The following NRG3 variants were observed in gnomAD, a reference collection of about 807,000 sequenced individuals.
The protein encoded by NRG3 is neuregulin 3, also known as pro-neuregulin-3, membrane-bound isoform.
Under a neutral mutation model 66.9 loss-of-function variants are expected in NRG3, and 31 were observed. That is an observed-to-expected ratio of 0.46 (90% CI 0.35 to 0.63). The LOEUF (loss-of-function observed/expected upper bound fraction) is 0.63. Ranked by LOEUF, NRG3 falls within the 20% of genes least tolerant of loss-of-function variation. NRG3 has a pLI of 0.00. For synonymous variants in NRG3, 393 were observed against 359.4 expected (o/e 1.09, Z -1.06); for missense variants, 910 against 878.9 (o/e 1.04, Z -0.45).
intron 7 of NRG3, among the ~76,000 whole-genome samples, chr10:82,975,367 A>G (rs563236879): frequency 2.6e-5 from 4 of 152,324 alleles, no homozygotes; most frequent in East Asian, 1.9e-4. Context: ...AAATTGATAT[A>G]TATGTTTTAA....
At chr10:82,625,874 C>T (rs74879423) in intron 2 of NRG3, among the ~76,000 whole-genome samples, 1 of 152,178 alleles carries the variant, frequency 6.6e-6, no homozygotes, top group Non-Finnish European at 1.5e-5. Flanking sequence ...GGGCATTTCA[C>T]ATTTCCTTTC....
At chr10:82,452,338 C>A (rs1411544295) in intron 2 of NRG3, among the ~76,000 whole-genome samples, 1 of 152,130 alleles carries the variant, frequency 6.6e-6, no homozygotes, top group African/African-American at 2.4e-5. Context: ...GCAGTGAATA[C>A]CACATCCTCA....
chr10:82,565,027 T>C (rs768498408), intron 2 of NRG3, among the ~76,000 whole-genome samples: 3 of 152,084 alleles, frequency 2.0e-5, no homozygotes, highest in Non-Finnish European at 2.9e-5. Context: ...AAAAGAACAC[T>C]GTTGGGAACG....
intron 3 of NRG3, among the ~76,000 whole-genome samples, chr10:82,848,316 A>C (rs1195556043): frequency 6.6e-6 from 1 of 152,208 alleles, no homozygotes; most frequent in Non-Finnish European, 1.5e-5. Flanking sequence ...GAGGACATGG[A>C]TTCAAATGAG....
At chr10:81,884,233 A>G (rs564497735) in intron 1 of NRG3, among the ~76,000 whole-genome samples, 3 of 152,302 alleles carry the variant, frequency 2.0e-5, no homozygotes, top group African/African-American at 7.2e-5. Context: ...GCTTCTGTCA[A>G]GCACTTCACA....
At chr10:82,866,283 A>G (rs940054072) in intron 4 of NRG3, among the ~76,000 whole-genome samples, 8 of 152,166 alleles carry the variant, frequency 5.3e-5, no homozygotes, top group Non-Finnish European at 1.0e-4. Context: ...TACTTGCTTT[A>G]TACATGAATG....
At chr10:82,328,712 GA>G (rs938614112) in intron 1 of NRG3, among the ~76,000 whole-genome samples, 1 of 152,152 alleles carries the variant, frequency 6.6e-6, no homozygotes, top group Admixed American at 6.5e-5. Context: ...TATTCTCACA[GA>G]AACCTCCTGG....
chr10:82,391,943 C>T (rs1422270745), intron 2 of NRG3, among the ~76,000 whole-genome samples: 2 of 124,622 alleles, frequency 1.6e-5, no homozygotes, highest in Non-Finnish European at 3.1e-5. Context: ...TTGGTTGTAG[C>T]AATTCTCATC....
At chr10:82,431,686 A>C (rs546011287) in intron 2 of NRG3, among the ~76,000 whole-genome samples, 1 of 152,176 alleles carries the variant, frequency 6.6e-6, no homozygotes, top group African/African-American at 2.4e-5. Flanking sequence ...GCCTACTCAC[A>C]AATATCTTTG....
Position 82,365,557 on chromosome 10 carries a change from C to T in NRG3, c.953+6689C>T, listed in dbSNP as rs575969349. ...GCTTGTCATGATAGTCTTAGAAACT[C>T]GGAAAGCAAGCAAACCAACAACACA... is the stretch of plus-strand genomic sequence containing the variant. On this transcript the variant is annotated intron_variant, in intron 2 of 8. Coordinates refer to ENST00000372141, the MANE Select transcript of NRG3 (RefSeq NM_001010848.4). Among the ~76,000 whole-genome samples the T allele has an allele frequency of 6.6e-5, 10 of 152,188 alleles. No homozygotes were observed. In the East Asian group the frequency reaches 1.2e-3, roughly 18 times the overall value.
intron 1 of NRG3, among the ~76,000 whole-genome samples, chr10:81,896,837 T>C (rs1843575128): frequency 6.6e-6 from 1 of 152,198 alleles, no homozygotes; most frequent in African/African-American, 2.4e-5. Context: ...CACCTACTAC[T>C]TGCCAGATGC....
intron 1 of NRG3, among the ~76,000 whole-genome samples, chr10:82,238,276 A>C (rs574371073): frequency 1.1e-4 from 16 of 152,306 alleles, no homozygotes; most frequent in Admixed American, 2.6e-4. Context: ...TAAGTATAGC[A>C]ATCCTATAAC....
chr10:82,511,244 C>T (rs1845136267), intron 2 of NRG3, among the ~76,000 whole-genome samples: 1 of 152,002 alleles, frequency 6.6e-6, no homozygotes, highest in Non-Finnish European at 1.5e-5. Context: ...AATAAACAAA[C>T]AAACAAGCAC....
intron 1 of NRG3, among the ~76,000 whole-genome samples, chr10:82,001,149 G>A (rs1438596124): frequency 6.6e-6 from 1 of 150,636 alleles, no homozygotes; most frequent in African/African-American, 2.4e-5. Flanking sequence ...AAACTTCTAG[G>A]ATTGTTGTTC....
At chr10:82,904,117 A>C (rs190244267) in intron 4 of NRG3, among the ~76,000 whole-genome samples, 59 of 152,292 alleles carry the variant, frequency 3.9e-4, no homozygotes, top group Non-Finnish European at 6.6e-4. Context: ...TGTCCAACCC[A>C]TGTCCCACAG....
intron 1 of NRG3, among the ~76,000 whole-genome samples, chr10:81,922,212 T>TTA (rs1846313486): frequency 6.6e-6 from 1 of 152,194 alleles, no homozygotes; most frequent in Non-Finnish European, 1.5e-5. Flanking sequence ...TTAGAATCCC[T>TTA]TATATTGGCA....
Position 82,805,662 on chromosome 10 carries a change from A to G in NRG3, c.1028-59749A>G, listed in dbSNP as rs528345229. 3.3e-5 allele frequency among the ~76,000 whole-genome samples: 5 copies of G among 152,178 alleles called. No individual in the cohort carries two copies. In the East Asian group the frequency reaches 7.8e-4, roughly 24 times the overall value. Reference sequence around the variant, plus strand: ...AGCAGACACATGAGTTAAGAGGCTGATGTATTAGAGCATGAAAGAGGTGAC... The same window carrying G: ...AGCAGACACATGAGTTAAGAGGCTGGTGTATTAGAGCATGAAAGAGGTGAC... On this transcript the variant is annotated intron_variant, in intron 3 of 8. Coordinates refer to ENST00000372141, the MANE Select transcript of NRG3 (RefSeq NM_001010848.4).
chr10:82,178,848 C>G lies in NRG3; in HGVS notation c.824-179891C>G, dbSNP rs543002632. On this transcript the variant is annotated intron_variant, in intron 1 of 8. Coordinates refer to ENST00000372141, the MANE Select transcript of NRG3 (RefSeq NM_001010848.4). ...TTTAGGTATTCCAACCAGCAGTTCA[C>G]AGGGGTTACAGTTTTTCCACATTTT... 2.6e-5 allele frequency among the ~76,000 whole-genome samples: 4 copies of G among 152,186 alleles called. No homozygotes were observed. In the South Asian group the frequency reaches 8.3e-4, roughly 32 times the overall value.
intron 1 of NRG3, among the ~76,000 whole-genome samples, chr10:81,908,267 A>G (rs1026560255): frequency 6.6e-6 from 1 of 152,188 alleles, no homozygotes; most frequent in Non-Finnish European, 1.5e-5. Context: ...ATCACCAGTG[A>G]TATCATAGTG....
Sources: allele counts gnomAD v4.1 joint callset (sites outside exome capture counted in the v4.1 genomes callset), GRCh38; gene constraint gnomAD v4.1.1; transcripts MANE v1.5; gene names NCBI Gene and HGNC (gene_info 2026-07-23, HGNC 2026-07-21).